Variants in DNAJC13 observed in about 807,000 individuals in gnomAD.
DNAJC13 encodes DnaJ heat shock protein family (Hsp40) member C13, also known as dnaJ homolog subfamily C member 13.
Under a neutral mutation model 290.5 loss-of-function variants are expected in DNAJC13, and 75 were observed. That is an observed-to-expected ratio of 0.26 (90% CI 0.21 to 0.31). DNAJC13 has a LOEUF of 0.31. Ranked by LOEUF, DNAJC13 falls within the 10% of genes least tolerant of loss-of-function variation. The pLI is 1.00. For missense variants in DNAJC13, 2,260 were observed against 2,674.5 expected (o/e 0.85, Z 3.42); for synonymous variants, 862 against 892.0 (o/e 0.97, Z 0.60).
intron 44 of DNAJC13, among the ~76,000 whole-genome samples, chr3:132,512,503 TG>T (rs1361235588): frequency 6.6e-6 from 1 of 152,108 alleles, no homozygotes; most frequent in Non-Finnish European, 1.5e-5. Context: ...GGATTTGAGG[TG>T]GGTAGGAATG....
chr3:132,498,082 G>C (rs1339831748), intron 36 of DNAJC13, among the ~76,000 whole-genome samples: 1 of 152,164 alleles, frequency 6.6e-6, no homozygotes, highest in East Asian at 1.9e-4. Context: ...AAAGAACAGA[G>C]TAATTAGGCA....
At chr3:132,430,166 T>C (rs1939204083) in intron 1 of DNAJC13, among the ~76,000 whole-genome samples, 1 of 152,220 alleles carries the variant, frequency 6.6e-6, no homozygotes, top group Admixed American at 6.5e-5. Context: ...CTCTGGAGTC[T>C]GGTGCTTTCA....
chr3:132,451,726 T>C (rs1933421184), intron 6 of DNAJC13, among the ~76,000 whole-genome samples: 2 of 152,188 alleles, frequency 1.3e-5, no homozygotes, highest in African/African-American at 4.8e-5. Context: ...AGATAAAATA[T>C]CGTTCTGTTG....
chr3:132,491,890 A>G (rs1451901186), intron 32 of DNAJC13, among the ~76,000 whole-genome samples: 1 of 152,138 alleles, frequency 6.6e-6, no homozygotes, highest in Non-Finnish European at 1.5e-5. Flanking sequence ...CATTGGGAAA[A>G]AATATATAAG....
intron 5 of DNAJC13, 68 bp from the exon 6 acceptor site, chr3:132,450,579 A>C (rs899138557): frequency 8.5e-7 from 1 of 1,176,684 alleles, no homozygotes; most frequent in Non-Finnish European, 1.2e-6. Context: ...AGTGACTGTG[A>C]TACATTAAAT....
Position 132,447,908 on chromosome 3 carries a change from C to T in DNAJC13, c.305C>T (p.Thr102Ile). Residue 102 changes from threonine (T) to isoleucine (I), a missense_variant, in exon 5 of 56, where the codon ACT becomes ATT. By Grantham distance (89) the Thr-to-Ile change is moderately conservative (BLOSUM62 -1). Coordinates refer to ENST00000260818, the MANE Select transcript of DNAJC13 (RefSeq NM_015268.4). ...TGTTTTCTCTTTCAGAGATTTAGAA[C>T]TGATTTTTCAGAGGGAAAAATCACA... ...ELLTEALRFRTDFSEGKITGR... is the reference protein window; with the variant it reads ...ELLTEALRFRIDFSEGKITGR... The T allele has an allele frequency of 6.3e-7, 1 of 1,596,992 alleles. No homozygotes were observed. Among genetic ancestry groups the T allele is most frequent in the South Asian group, 1.1e-5 (1 of 89,454 alleles).
intron 4 of DNAJC13, among the ~76,000 whole-genome samples, 168 bp from the exon 5 acceptor site, chr3:132,447,730 A>G (rs1933298470): frequency 6.6e-6 from 1 of 152,158 alleles, no homozygotes; most frequent in Non-Finnish European, 1.5e-5. Flanking sequence ...GTTCTTCAAT[A>G]AGGTTTCATA....
At chr3:132,492,660 G>A (rs750735450) in intron 33 of DNAJC13, 45 bp downstream of exon 33, 15 of 1,548,256 alleles carry the variant, frequency 9.7e-6, no homozygotes, top group Non-Finnish European at 1.2e-5. Flanking sequence ...CATAAAAATA[G>A]CCTCTAAACA....
intron 15 of DNAJC13, among the ~76,000 whole-genome samples, chr3:132,462,200 T>C (rs887623060): frequency 2.0e-5 from 3 of 152,202 alleles, no homozygotes; most frequent in Non-Finnish European, 4.4e-5. Context: ...ATCATTGATA[T>C]GTATCATTCA....
chr3:132,452,591 A>G (rs1933450949), intron 6 of DNAJC13, among the ~76,000 whole-genome samples: 1 of 151,974 alleles, frequency 6.6e-6, no homozygotes, highest in Non-Finnish European at 1.5e-5. Flanking sequence ...TGGAAGTTCA[A>G]AATGTTCCAA....
chr3:132,457,632 A>G, intron 13 of DNAJC13: 1 of 303,982 alleles, frequency 3.3e-6, no homozygotes. Flanking sequence ...TGTACAAGGT[A>G]AGGTAGTAGG....
intron 51 of DNAJC13, among the ~76,000 whole-genome samples, chr3:132,524,966 T>C (rs1243435651): frequency 6.6e-6 from 1 of 152,226 alleles, no homozygotes; most frequent in Non-Finnish European, 1.5e-5. Context: ...TGCATTCTTC[T>C]GGATTATTGT....
intron 15 of DNAJC13, among the ~76,000 whole-genome samples, chr3:132,461,853 G>T (rs939408477): frequency 1.3e-5 from 2 of 151,952 alleles, no homozygotes; most frequent in Non-Finnish European, 2.9e-5. Context: ...ACCAAACCCG[G>T]CTAATTTATT....
intron 13 of DNAJC13, chr3:132,457,857 T>G (rs1933663225): frequency 6.5e-6 from 1 of 153,662 alleles, no homozygotes; most frequent in Admixed American, 6.4e-5. Flanking sequence ...ATGGTTGGGT[T>G]ATAAGGTATG....
In DNAJC13 at chr3:132,515,925, A is replaced by G. The variant is rs540087355; in HGVS notation, c.5486-497A>G. On this transcript the variant is annotated intron_variant, in intron 46 of 55. Coordinates refer to ENST00000260818, the MANE Select transcript of DNAJC13 (RefSeq NM_015268.4). ...GTTAAGTCCAGTAACCTATACTTGCATATAATATGGTAGTGACTGGGTGAG... is the reference window on the plus strand; with the variant it reads ...GTTAAGTCCAGTAACCTATACTTGCGTATAATATGGTAGTGACTGGGTGAG... Among the ~76,000 whole-genome samples, 25 of 152,292 alleles carry G rather than the reference A, an allele frequency of 1.6e-4. 1 individual carries two copies. In the South Asian group the frequency reaches 5.0e-3, roughly 30 times the overall value.
At position 132,538,338 on chromosome 3, in the gene DNAJC13, C is replaced by A; in HGVS notation, c.*56C>A. On this transcript the variant is annotated 3_prime_UTR_variant, in exon 56 of 56. Transcript: ENST00000260818. The stretch of plus-strand genomic sequence containing the variant: ...GGCCAGTGCCAAGTCCACATTCCTC[C>A]AGCTGATACGTTGAAGCAAACTCTT... 1 of 1,412,612 alleles carries A rather than the reference C, an allele frequency of 7.1e-7. No individual in the cohort carries two copies. The highest frequency in any genetic ancestry group is 9.9e-7 in the Non-Finnish European group (1 of 1,008,638). 87.5% of individuals were successfully genotyped at this position (1,412,612 alleles called of 1,614,324 possible). A position where few individuals can be genotyped will look rare whatever the true frequency, so the allele number is the denominator to read the frequency against.
intron 20 of DNAJC13, among the ~76,000 whole-genome samples, chr3:132,471,485 C>T: frequency 7.1e-6 from 1 of 140,084 alleles, no homozygotes; most frequent in Middle Eastern, 4.1e-3. Flanking sequence ...CCTCACTTCT[C>T]AGACGGGGTG....
chr3:132,464,058 C>A (rs545998995), intron 17 of DNAJC13, among the ~76,000 whole-genome samples: 1 of 152,124 alleles, frequency 6.6e-6, no homozygotes, highest in Non-Finnish European at 1.5e-5. Context: ...GCCCTGACAC[C>A]ATAGTCATGG....
At chr3:132,444,248 TG>T (rs1276906729) in intron 2 of DNAJC13, among the ~76,000 whole-genome samples, 2 of 152,172 alleles carry the variant, frequency 1.3e-5, no homozygotes, top group Admixed American at 1.3e-4. Context: ...ATGGAAAAAT[TG>T]TCTTCCACAA....
Sources: allele counts gnomAD v4.1 joint callset (sites outside exome capture counted in the v4.1 genomes callset), GRCh38; gene constraint gnomAD v4.1.1; transcripts MANE v1.5; gene names NCBI Gene and HGNC (gene_info 2026-07-23, HGNC 2026-07-21).